Variants in ADAMTS14 observed in about 807,000 individuals in gnomAD.
The protein encoded by ADAMTS14 is ADAM metallopeptidase with thrombospondin type 1 motif 14.
ADAMTS14 carries 100 observed loss-of-function variants against 128.6 expected under a neutral mutation model. That is an observed-to-expected ratio of 0.78 (90% confidence interval 0.66 to 0.92). The LOEUF (loss-of-function observed/expected upper bound fraction) is 0.92. ADAMTS14 is among the 40% of genes least tolerant of loss of function. The pLI is 0.00. For missense variants in ADAMTS14, 1,562 were observed against 1,658.6 expected (o/e 0.94, Z 1.01); for synonymous variants, 665 against 653.8 (o/e 1.02, Z -0.26).
At chr10:70,755,853 A>G (rs532303970) in intron 19 of ADAMTS14, among the ~76,000 whole-genome samples, 3 of 152,384 alleles carry the variant, frequency 2.0e-5, no homozygotes, top group African/African-American at 4.8e-5. Context: ...TTGTCTCAAA[A>G]AAAGAAAAAA....
chr10:70,748,421 C>T (rs1221554668), intron 15 of ADAMTS14, among the ~76,000 whole-genome samples: 3 of 152,292 alleles, frequency 2.0e-5, no homozygotes, highest in East Asian at 3.9e-4. Flanking sequence ...GGACTGAGAG[C>T]GATCAGGGAA....
chr10:70,739,098 G>A, intron 11 of ADAMTS14, 108 bp downstream of exon 11: 4 of 1,366,278 alleles, frequency 2.9e-6, no homozygotes. Flanking sequence ...GGGCCCCTGT[G>A]GGTGGTTGTG....
chr10:70,757,830 G>A, intron 19 of ADAMTS14, 132 bp from the exon 20 acceptor site: 1 of 1,348,084 alleles, frequency 7.4e-7, no homozygotes, highest in South Asian at 1.4e-5. Context: ...GTCAAGTGAA[G>A]ACTTGGTGCT....
At chr10:70,711,913 A>G (rs935890627) in intron 4 of ADAMTS14, among the ~76,000 whole-genome samples, 1 of 152,188 alleles carries the variant, frequency 6.6e-6, no homozygotes, top group African/African-American at 2.4e-5. Flanking sequence ...CTCCAATGAC[A>G]GGAGCCCAGG....
intron 2 of ADAMTS14, among the ~76,000 whole-genome samples, chr10:70,686,421 A>G (rs1416015480): frequency 3.5e-5 from 4 of 115,144 alleles, no homozygotes; most frequent in African/African-American, 1.3e-4. Context: ...TCCTAGGCAG[A>G]GGACCCTGCG....
At chr10:70,746,546 G>A (rs1424897858) in intron 15 of ADAMTS14, among the ~76,000 whole-genome samples, 2 of 152,174 alleles carry the variant, frequency 1.3e-5, no homozygotes, top group African/African-American at 2.4e-5. Context: ...AGCGGCTCAC[G>A]CCTGTAATCC....
Position 70,758,234 on chromosome 10 carries a change from C to T in ADAMTS14, c.3127C>T (p.Gln1043Ter). 2 of 1,614,226 alleles carry T rather than the reference C, an allele frequency of 1.2e-6. No individual in the cohort carries two copies. The highest frequency in any genetic ancestry group is 1.7e-6 in the Non-Finnish European group (2 of 1,180,030). The change falls in exon 21 of 22, where the codon CAG (glutamine) becomes TAG (stop). Residue 1043 changes from glutamine (Q) to a stop codon, truncating the protein, a stop_gained. Coordinates refer to ENST00000373207, the MANE Select transcript of ADAMTS14 (RefSeq NM_080722.4). LOFTEE classifies it high-confidence loss of function. ...CTGGGAACTTGGGACGCCAGAGGGG[C>T]AGTGGGTGCCACAATCTGAACCCCT... The part of the protein sequence containing the change: ...DVWELGTPEG[Q>*]WVPQSEPLHP...
At position 70,751,643 on chromosome 10, in the gene ADAMTS14, G is replaced by A; in HGVS notation, c.2593G>A (p.Gly865Arg). The change falls in exon 17 of 22, where the codon GGA (glycine) becomes AGA (arginine). Residue 865 changes from glycine to arginine, a missense_variant. Coordinates refer to ENST00000373207, the MANE Select transcript of ADAMTS14 (RefSeq NM_080722.4). ...GGCCCCCTGCAGCAAGGCCTGTGGA[G>A]GAGGTACCGGTTCCCTGACCCGCCA... ...SWAPCSKACG[G>R]GIQFTKYGCR... 6.2e-7 allele frequency: 1 copy of A among 1,603,466 alleles called. No individual in the cohort carries two copies. Among genetic ancestry groups the A allele is most frequent in the Non-Finnish European group, 8.5e-7 (1 of 1,171,194 alleles).
chr10:70,689,753 C>T (rs1159336406), intron 2 of ADAMTS14, among the ~76,000 whole-genome samples: 1 of 145,428 alleles, frequency 6.9e-6, no homozygotes, highest in Non-Finnish European at 1.6e-5. Context: ...CTCCATGGTT[C>T]GCGGCATTCC....
chr10:70,675,916 G>T (rs201494796), intron 2 of ADAMTS14, among the ~76,000 whole-genome samples: 5 of 152,180 alleles, frequency 3.3e-5, no homozygotes, highest in Non-Finnish European at 7.3e-5. Context: ...TCAGCTTTGA[G>T]AGCGAGAAAA....
intron 18 of ADAMTS14, 46 bp downstream of exon 18, chr10:70,752,273 C>T (rs1366435514): frequency 6.2e-7 from 1 of 1,602,372 alleles, no homozygotes; most frequent in African/African-American, 1.3e-5. Context: ...CTATGCCTAG[C>T]CCGGGCCCCA....
At position 70,760,710 on chromosome 10, in the gene ADAMTS14, T is replaced by C; in HGVS notation, c.3529T>C (p.Trp1177Arg). 2 of 1,614,106 alleles carry C rather than the reference T, an allele frequency of 1.2e-6. No individual in the cohort carries two copies. Among genetic ancestry groups the C allele is most frequent in the Non-Finnish European group, 1.7e-6 (2 of 1,179,982 alleles). The change falls in exon 22 of 22, where the codon TGG (tryptophan) becomes CGG (arginine). Residue 1177 changes from tryptophan to arginine, a missense_variant. Coordinates refer to ENST00000373207, the MANE Select transcript of ADAMTS14 (RefSeq NM_080722.4). ...APETPIPGAS[W>R]SISPTTPGGL... ...TGAGACACCAATCCCTGGAGCATCC[T>C]GGAGCATCTCCCCTACCACCCCCGG...
chr10:70,761,055 G>A lies in ADAMTS14; in HGVS notation c.*202G>A, dbSNP rs916204418. The stretch of plus-strand genomic sequence containing the variant: ...ACAAAGATCAGGGAAAGCCCTAATC[G>A]GAGATACCTCAGCAAGCTGCCCCCG... On this transcript the variant is annotated 3_prime_UTR_variant, in exon 22 of 22. Coordinates refer to ENST00000373207, the MANE Select transcript of ADAMTS14 (RefSeq NM_080722.4). 71 of 795,496 alleles carry A rather than the reference G, an allele frequency of 8.9e-5. No homozygotes were observed. The highest frequency in any genetic ancestry group is 2.3e-4 in the Admixed American group (7 of 29,840). 49.3% of individuals were successfully genotyped at this position (795,496 alleles called of 1,614,324 possible).
At chr10:70,738,146 C>A (rs1841884260) in intron 10 of ADAMTS14, among the ~76,000 whole-genome samples, 1 of 152,068 alleles carries the variant, frequency 6.6e-6, no homozygotes, top group Admixed American at 6.5e-5. Flanking sequence ...GGGAGATGAA[C>A]TTTGCCCAGA....
At chr10:70,745,441 C>A (rs981343282) in intron 15 of ADAMTS14, 135 bp downstream of exon 15, 3 of 926,956 alleles carry the variant, frequency 3.2e-6, no homozygotes, top group East Asian at 5.3e-5. Flanking sequence ...CAGAGACCCC[C>A]TTTTCATTTT....
intron 4 of ADAMTS14, among the ~76,000 whole-genome samples, chr10:70,724,979 G>A (rs1841383532): frequency 6.6e-6 from 1 of 151,928 alleles, no homozygotes; most frequent in African/African-American, 2.4e-5. Context: ...CATTCCTTTA[G>A]TGGGGTCTGT....
At chr10:70,749,694 G>T in intron 15 of ADAMTS14, 128 bp from the exon 16 acceptor site, 1 of 1,205,386 alleles carries the variant, frequency 8.3e-7, no homozygotes. Context: ...GAGGGCTTGG[G>T]TGGGAAGGAA....
In ADAMTS14 at chr10:70,708,693, A is replaced by C; in HGVS notation, c.785A>C (p.Glu262Ala). Residue 262 changes from glutamate to alanine, a missense_variant, in exon 4 of 22, where the codon GAG becomes GCG. By Grantham distance (107) the Glu-to-Ala change is moderately radical. Transcript: ENST00000373207. ...GCCAAGCCAGGCAGCTACAGCATCG[A>C]GGTGCTGCTGGTGGTGGACGACTCG... is the stretch of plus-strand genomic sequence containing the variant. ...RHAKPGSYSI[E>A]VLLVVDDSVV... 1 of 1,611,316 alleles carries C rather than the reference A, an allele frequency of 6.2e-7. No individual in the cohort carries two copies.
chr10:70,714,527 C>T (rs774625663), intron 4 of ADAMTS14, among the ~76,000 whole-genome samples: 3 of 152,202 alleles, frequency 2.0e-5, no homozygotes, highest in Non-Finnish European at 4.4e-5. Flanking sequence ...TCTCCACCCT[C>T]TTATGTTCAG....
Sources: allele counts gnomAD v4.1 joint callset (sites outside exome capture counted in the v4.1 genomes callset), GRCh38; gene constraint gnomAD v4.1.1; transcripts MANE v1.5; gene names NCBI Gene and HGNC (gene_info 2026-07-23, HGNC 2026-07-21).